SAMTOR: variants seen among roughly 807,000 people sequenced by gnomAD.
The protein encoded by SAMTOR is UPF0532 protein C7orf60.
At chr7:112,939,629 T>C in the SAMTOR span, 4 of 1,613,918 alleles carry the variant, frequency 2.5e-6, no homozygotes, top group Non-Finnish European at 3.4e-6. Context: ...GTGGACGCTC[T>C]TCACCACACC....
chr7:112,899,553 T>C, the SAMTOR span, among the ~76,000 whole-genome samples: 1 of 151,996 alleles, frequency 6.6e-6, no homozygotes, highest in Admixed American at 6.6e-5. Context: ...TAGAGAAAGA[T>C]ACAAATATGC....
At chr7:112,851,665 G>A in the SAMTOR span, among the ~76,000 whole-genome samples, 1 of 152,050 alleles carries the variant, frequency 6.6e-6, no homozygotes, top group African/African-American at 2.4e-5. Context: ...AGACAAATGG[G>A]ACTTAAAAGC....
the SAMTOR span, among the ~76,000 whole-genome samples, chr7:112,899,698 T>TG: frequency 1.4e-5 from 2 of 142,056 alleles, no homozygotes; most frequent in Admixed American, 7.4e-5. Context: ...AGGTAACAAA[T>TG]GAAGGAACTC....
At chr7:112,914,113 TTGAA>T in the SAMTOR span, among the ~76,000 whole-genome samples, 1 of 152,174 alleles carries the variant, frequency 6.6e-6, no homozygotes, top group Non-Finnish European at 1.5e-5. Flanking sequence ...GAATTATTTG[TTGAA>T]TGAATGAAAT....
the SAMTOR span, among the ~76,000 whole-genome samples, chr7:112,902,865 A>C: frequency 6.6e-6 from 1 of 152,198 alleles, no homozygotes. Flanking sequence ...CCTTGGGATA[A>C]ATATATCATG....
At chr7:112,906,569 A>ATT in the SAMTOR span, among the ~76,000 whole-genome samples, 8 of 88,460 alleles carry the variant, frequency 9.0e-5, no homozygotes, top group African/African-American at 2.7e-4. Context: ...ATGGAAAGAC[A>ATT]TATCTTTTTT....
chr7:112,843,570 T>C, the SAMTOR span, among the ~76,000 whole-genome samples: 1 of 151,920 alleles, frequency 6.6e-6, no homozygotes, highest in Admixed American at 6.6e-5. Context: ...TGAACACATA[T>C]CCCCTTCCAA....
At chr7:112,907,131 C>T in the SAMTOR span, among the ~76,000 whole-genome samples, 1 of 151,914 alleles carries the variant, frequency 6.6e-6, no homozygotes, top group Non-Finnish European at 1.5e-5. Context: ...TGATAGTAGG[C>T]ATGGATCAAT....
chr7:112,931,564 A>C, the SAMTOR span, among the ~76,000 whole-genome samples: 2 of 152,244 alleles, frequency 1.3e-5, no homozygotes, highest in East Asian at 3.8e-4. Context: ...CTATGACCAC[A>C]CAGAGCACTT....
chr7:112,924,367 A>C, the SAMTOR span, among the ~76,000 whole-genome samples: 1 of 152,140 alleles, frequency 6.6e-6, no homozygotes, highest in Non-Finnish European at 1.5e-5. Flanking sequence ...AACTATTCAA[A>C]TTTGAAAATC....
the SAMTOR span, among the ~76,000 whole-genome samples, chr7:112,920,481 A>G: frequency 1.3e-4 from 20 of 148,924 alleles, no homozygotes; most frequent in Non-Finnish European, 2.1e-4. Flanking sequence ...TGACAAACCC[A>G]CAGCCAATAT....
At chr7:112,881,171 T>G in the SAMTOR span, among the ~76,000 whole-genome samples, 1 of 152,272 alleles carries the variant, frequency 6.6e-6, no homozygotes, top group African/African-American at 2.4e-5. Flanking sequence ...TGGGTATGCA[T>G]GTATAGTGCT....
the SAMTOR span, among the ~76,000 whole-genome samples, chr7:112,857,929 C>T: frequency 6.6e-6 from 1 of 151,954 alleles, no homozygotes; most frequent in African/African-American, 2.4e-5. Flanking sequence ...CACTGGGCAT[C>T]CTAGAGCAGC....
the SAMTOR span, among the ~76,000 whole-genome samples, chr7:112,937,298 T>C: frequency 2.0e-5 from 3 of 152,116 alleles, no homozygotes; most frequent in African/African-American, 7.2e-5. Context: ...GTAGAAGAAT[T>C]GTGATAAAAG....
the SAMTOR span, among the ~76,000 whole-genome samples, chr7:112,831,974 A>G: frequency 6.6e-6 from 1 of 150,698 alleles, no homozygotes; most frequent in Non-Finnish European, 1.5e-5. Flanking sequence ...AAACCCAAAC[A>G]CTACAGCTAT....
the SAMTOR span, among the ~76,000 whole-genome samples, chr7:112,833,685 G>A: frequency 1.3e-5 from 2 of 152,106 alleles, no homozygotes; most frequent in Non-Finnish European, 1.5e-5. Context: ...TCTCAATGAA[G>A]TATCCTAAAC....
At chr7:112,822,570 G>C in the SAMTOR span, among the ~76,000 whole-genome samples, 1 of 151,974 alleles carries the variant, frequency 6.6e-6, no homozygotes, top group Non-Finnish European at 1.5e-5. Flanking sequence ...TAAGTCCAAA[G>C]ACCTGCTAAT....
the SAMTOR span, among the ~76,000 whole-genome samples, chr7:112,826,562 T>G: frequency 6.6e-6 from 1 of 152,176 alleles, no homozygotes; most frequent in Non-Finnish European, 1.5e-5. Flanking sequence ...TTTATTCATC[T>G]ACTCAAAGAA....
chr7:112,847,636 G>C, the SAMTOR span, among the ~76,000 whole-genome samples: 4 of 152,156 alleles, frequency 2.6e-5, no homozygotes, highest in Non-Finnish European at 5.9e-5. Flanking sequence ...AAATTAGCTG[G>C]GCATGGTGGC....
Sources: allele counts gnomAD v4.1 joint callset (sites outside exome capture counted in the v4.1 genomes callset), GRCh38; gene constraint gnomAD v4.1.1; transcripts MANE v1.5; gene names NCBI Gene and HGNC (gene_info 2026-07-23, HGNC 2026-07-21).